Variants in PCDH15 observed in about 807,000 individuals in gnomAD.
PCDH15 encodes the protein protocadherin related 15, also known as protocadherin-15.
Under a neutral mutation model 178.5 loss-of-function variants are expected in PCDH15, and 129 were observed. The ratio of observed to expected loss-of-function variants is 0.72; its 90% confidence interval spans 0.63 to 0.84. The LOEUF (loss-of-function observed/expected upper bound fraction) is 0.84, where lower values mean the gene tolerates loss of function less well. Among genes scored for constraint, PCDH15 ranks in the 40% least tolerant of loss-of-function variants. The probability of loss-of-function intolerance (pLI) is 0.00; values close to 1 mark genes in which losing one functional copy is unlikely to be tolerated. For synonymous variants in PCDH15, 800 were observed against 732.0 expected (o/e 1.09, Z -1.50); for missense variants, 2,230 against 2,099.9 (o/e 1.06, Z -1.21).
rs117199279 is a variant in PCDH15, at chr10:55,537,295, C to T, written c.-156+90330G>A. Reference sequence around the variant, plus strand: ...AAATAATTTTATAGTTAATCAAATTCTGTGCCATCATTTTTTGCTCTTGCT... The same window carrying T: ...AAATAATTTTATAGTTAATCAAATTTTGTGCCATCATTTTTTGCTCTTGCT... On this transcript the variant is annotated intron_variant, in intron 2 of 5. Coordinates refer to the PCDH15 transcript ENST00000613346. Among the ~76,000 whole-genome samples, 385 of 152,218 alleles carry T rather than the reference C, an allele frequency of 2.5e-3. 4 individuals are homozygous for T. The East Asian group carries it at 0.04, about 16-fold the overall frequency.
chr10:55,537,587 C>CTGTA (rs1841608995), intron 2 of PCDH15, among the ~76,000 whole-genome samples: 2 of 152,034 alleles, frequency 1.3e-5, no homozygotes, highest in South Asian at 4.1e-4. Flanking sequence ...AGGCACGTGC[C>CTGTA]ATCACACCTG....
chr10:55,253,747 T>G (rs17612483), intron 1 of PCDH15, among the ~76,000 whole-genome samples: 23,902 of 152,174 alleles, frequency 0.16, 2,326 homozygotes, highest in Non-Finnish European at 0.23. Context: ...CAATACAGTT[T>G]GTGGCTACAT....
intron 1 of PCDH15, among the ~76,000 whole-genome samples, chr10:54,730,949 A>G (rs1943248505): frequency 6.6e-6 from 1 of 151,518 alleles, no homozygotes; most frequent in Non-Finnish European, 1.5e-5. Flanking sequence ...CACAGAAAAG[A>G]AAACAATCTA....
In PCDH15 at chr10:55,586,434, C is replaced by G. The variant is rs1212681259; in HGVS notation, c.-156+41191G>C. ...GCCTAGGCCAGTCTTGTAACTGAAA[C>G]CCATTGGATTCAAAATCTATTTCAA... On this transcript the variant is annotated intron_variant, in intron 2 of 5. Coordinates refer to the PCDH15 transcript ENST00000613346. Among the ~76,000 whole-genome samples the G allele has an allele frequency of 5.3e-5, 8 of 152,024 alleles. No individual in the cohort carries two copies. In the East Asian group the frequency reaches 1.5e-3, roughly 29 times the overall value.
intron 1 of PCDH15, among the ~76,000 whole-genome samples, chr10:55,214,117 C>T (rs993247393): frequency 4.6e-5 from 7 of 151,870 alleles, no homozygotes; most frequent in African/African-American, 1.7e-4. Context: ...AGAACATATT[C>T]TCTATGGTAC....
chr10:54,885,798 C>A (rs925104590), intron 3 of PCDH15, among the ~76,000 whole-genome samples: 1 of 151,902 alleles, frequency 6.6e-6, no homozygotes, highest in Non-Finnish European at 1.5e-5. Context: ...ACAATAAAGG[C>A]CAAGTTCCTA....
intron 6 of PCDH15, among the ~76,000 whole-genome samples, chr10:54,344,319 A>G (rs1171698546): frequency 2.0e-5 from 3 of 152,128 alleles, no homozygotes; most frequent in Non-Finnish European, 4.4e-5. Flanking sequence ...TCCACTCTGT[A>G]GGGAGTAAGA....
chr10:54,228,037 A>T (rs7899424), intron 9 of PCDH15, among the ~76,000 whole-genome samples: 8,313 of 152,194 alleles, frequency 0.055, 562 homozygotes, highest in African/African-American at 0.17. Flanking sequence ...TATCTTCTAC[A>T]GAGCCCTGCA....
intron 3 of PCDH15, among the ~76,000 whole-genome samples, chr10:54,850,135 T>C (rs1953590295): frequency 6.6e-6 from 1 of 152,168 alleles, no homozygotes; most frequent in Admixed American, 6.5e-5. Context: ...GCAATATATA[T>C]GGCATAAAAC....
intron 26 of PCDH15, among the ~76,000 whole-genome samples, chr10:53,892,478 T>C (rs1342819254): frequency 3.3e-5 from 5 of 152,142 alleles, no homozygotes; most frequent in African/African-American, 1.2e-4. Context: ...GCTAGGAGAA[T>C]GATATTTTTT....
In PCDH15 at chr10:55,228,489, G is replaced by A. The variant is rs538446851; in HGVS notation, c.-155-61838C>T. ...TGTATTGCATTGAAAAAAATTAAAC[G>A]AAATAAAACCAAAGCCTTTCTCTTT... On this transcript the variant is annotated intron_variant, in intron 1 of 5. Transcript: ENST00000458638. 4.6e-5 allele frequency among the ~76,000 whole-genome samples: 7 copies of A among 151,920 alleles called. No individual in the cohort carries two copies. In the East Asian group the frequency reaches 9.7e-4, roughly 21 times the overall value.
intron 2 of PCDH15, among the ~76,000 whole-genome samples, chr10:54,659,958 C>A (rs1335952066): frequency 2.6e-5 from 4 of 151,962 alleles, no homozygotes; most frequent in Non-Finnish European, 5.9e-5. Context: ...AAGTTTAAAG[C>A]ACTAAATGCC....
intron 1 of PCDH15, among the ~76,000 whole-genome samples, chr10:55,223,551 T>C (rs1330774459): frequency 2.6e-5 from 4 of 152,160 alleles, no homozygotes; most frequent in Non-Finnish European, 5.9e-5. Flanking sequence ...AATGCTGACA[T>C]CAACTCATTT....
At chr10:53,955,991 G>T (rs1313385237) in intron 23 of PCDH15, among the ~76,000 whole-genome samples, 4 of 151,928 alleles carry the variant, frequency 2.6e-5, no homozygotes, top group African/African-American at 9.7e-5. Flanking sequence ...CATATTAAAA[G>T]AAAATACCAT....
At chr10:55,325,810 C>A (rs1422674519) in intron 2 of PCDH15, among the ~76,000 whole-genome samples, 2 of 152,074 alleles carry the variant, frequency 1.3e-5, no homozygotes, top group African/African-American at 4.8e-5. Flanking sequence ...AGACAACCTA[C>A]AGAATGGGAG....
intron 9 of PCDH15, among the ~76,000 whole-genome samples, chr10:54,218,475 G>A (rs1393513204): frequency 6.6e-6 from 1 of 151,720 alleles, no homozygotes; most frequent in Admixed American, 6.6e-5. Flanking sequence ...ATATGGGTGG[G>A]CTCTTAAATC....
intron 2 of PCDH15, among the ~76,000 whole-genome samples, chr10:55,058,668 T>C (rs1285550377): frequency 4.6e-5 from 7 of 152,186 alleles, no homozygotes; most frequent in Non-Finnish European, 7.4e-5. Flanking sequence ...TGTATATACA[T>C]TTCAAATTCG....
At chr10:54,671,462 T>C (rs2094670522) in intron 1 of PCDH15, among the ~76,000 whole-genome samples, 1 of 152,210 alleles carries the variant, frequency 6.6e-6, no homozygotes, top group South Asian at 2.1e-4. Flanking sequence ...GTCCTGGCTC[T>C]GGCATGAGAG....
chr10:54,559,304 G>A (rs1590106584), intron 2 of PCDH15, among the ~76,000 whole-genome samples: 1 of 151,518 alleles, frequency 6.6e-6, no homozygotes, highest in East Asian at 1.9e-4. Context: ...TGTATTTAAG[G>A]CTCCTAGTAG....
Sources: gnomAD v4.1 joint callset for allele counts (sites outside exome capture counted in the v4.1 genomes callset) on GRCh38, gnomAD v4.1.1 for gene constraint, MANE v1.5 for transcripts, NCBI Gene and HGNC (gene_info 2026-07-23, HGNC 2026-07-21) for gene names.